The following PXDN variants were observed in gnomAD, a reference collection of about 807,000 sequenced individuals.
PXDN encodes the protein peroxidasin homolog.
A neutral mutation model predicts 140.3 loss-of-function variants in PXDN; 77 were observed. The observed-to-expected ratio is 0.55, with a 90% confidence interval of 0.46 to 0.66. The LOEUF is 0.66. PXDN is among the 30% of genes least tolerant of loss of function. The pLI, the probability that PXDN is intolerant of heterozygous loss-of-function variation, is 0.00. For missense variants in PXDN, 1,838 were observed against 2,039.5 expected (o/e 0.90, Z 1.90); for synonymous variants, 911 against 857.4 (o/e 1.06, Z -1.09).
rs1682949858 is a variant in PXDN, at chr2:1,649,234, T to A, written c.2546A>T (p.Asn849Ile). The A allele has an allele frequency of 1.2e-6, 2 of 1,612,890 alleles. No individual in the cohort carries two copies. The part of the protein sequence containing the change: ...ARFSDGQHCS[N>I]VCSNDPPCFS... ...GCAGGGGGGGTCGTTGCTGCACACG[T>A]TGCTGCAGTGCTGTCCGTCGGAGAA... The change falls in exon 17 of 23, where the codon AAC becomes ATC. Residue 849 changes from asparagine (N) to isoleucine (I), a missense_variant. By Grantham distance (149) the Asn-to-Ile change is moderately radical. This residue lies in a region of PXDN where 850 missense variants were observed against 894.1 expected (regional missense o/e 0.95). Coordinates refer to ENST00000252804, the MANE Select transcript of PXDN (RefSeq NM_012293.3). This position sits in a 1 kb window ranked among gnomAD's most constrained non-coding sequence, Gnocchi z 7.1.
chr2:1,698,154 G>A (rs572029232), intron 1 of PXDN, among the ~76,000 whole-genome samples: 8 of 152,100 alleles, frequency 5.3e-5, no homozygotes, highest in South Asian at 2.1e-4. Flanking sequence ...AGTAAGCAGC[G>A]GTGAACAAGG....
intron 1 of PXDN, among the ~76,000 whole-genome samples, chr2:1,726,504 C>T (rs1685188649): frequency 6.6e-6 from 1 of 151,612 alleles, no homozygotes; most frequent in Non-Finnish European, 1.5e-5. Flanking sequence ...GGGTGCAGCA[C>T]ACCAGCATGG....
chr2:1,719,834 T>TTGTG (rs36227356), intron 1 of PXDN, among the ~76,000 whole-genome samples: 5,701 of 107,864 alleles, frequency 0.053, 496 homozygotes, highest in African/African-American at 0.17. Context: ...CATGCGTGCA[T>TTGTG]TGTGTGTGTG....
intron 9 of PXDN, among the ~76,000 whole-genome samples, chr2:1,667,113 A>G (rs138110739): frequency 1.0e-3 from 156 of 152,262 alleles, no homozygotes; most frequent in Non-Finnish European, 1.7e-3. Context: ...TTGCCCAGAA[A>G]TGACCCTGCC....
chr2:1,744,230 C>T lies in PXDN; in HGVS notation c.200+26G>A, dbSNP rs1207980684. The T allele has an allele frequency of 4.8e-6, 7 of 1,467,824 alleles. 1 individual carries two copies. The East Asian group carries it at 1.4e-4, about 30-fold the overall frequency. 90.9% of individuals were successfully genotyped at this position (1,467,824 alleles called of 1,614,324 possible). ...TCTCCACGAAGCCCCGGACCCCGCG[C>T]CCCCGGCGTCCCCCGCGGCACTCAC... On this transcript the variant is annotated intron_variant, in intron 1 of 22. Transcript: ENST00000252804.
At chr2:1,653,073 G>A (rs1043897478) in intron 16 of PXDN, 11 of 203,906 alleles carry the variant, frequency 5.4e-5, no homozygotes, top group East Asian at 1.1e-4. Flanking sequence ...AAGGACAATC[G>A]TGACATGTAA....
chr2:1,688,424 G>A (rs1031700088), intron 3 of PXDN, among the ~76,000 whole-genome samples: 2 of 152,230 alleles, frequency 1.3e-5, no homozygotes, highest in Non-Finnish European at 2.9e-5. Flanking sequence ...AGCTCACAGA[G>A]GACTGGTCCT....
rs73910805 is a variant in PXDN at position 1,633,698 on chromosome 2, T to A, written c.*506A>T. 0.012 allele frequency: 1,808 copies of A among 151,836 alleles called. 34 individuals carry two copies. The highest frequency in any genetic ancestry group is 0.041 in the African/African-American group (1,706 of 41,284). 9.4% of individuals were successfully genotyped at this position (151,836 alleles called of 1,614,324 possible). On this transcript the variant is annotated 3_prime_UTR_variant, in exon 23 of 23. Coordinates refer to ENST00000252804, the MANE Select transcript of PXDN (RefSeq NM_012293.3). ...TCTGTTCCGTTTGCCAAACACCAATTTTCTTTTTAAACATAGCTTGTGATG... is the reference window on the plus strand; with the variant it reads ...TCTGTTCCGTTTGCCAAACACCAATATTCTTTTTAAACATAGCTTGTGATG...
rs752167960 is a variant in PXDN at position 1,644,769 on chromosome 2, A to T, written c.3609-17T>A. ...CCATACAACCTAAAAAATAAAGAGA[A>T]AACTGAAATCTACCTAACAAAGCTG... On this transcript the variant is annotated splice_polypyrimidine_tract_variant and intron_variant, in intron 17 of 22. Coordinates refer to ENST00000252804, the MANE Select transcript of PXDN (RefSeq NM_012293.3). The T allele has an allele frequency of 6.7e-7, 1 of 1,491,836 alleles. No individual in the cohort carries two copies. Among genetic ancestry groups the T allele is most frequent in the Non-Finnish European group, 9.0e-7 (1 of 1,111,674 alleles). 92.4% of individuals were successfully genotyped at this position (1,491,836 alleles called of 1,614,324 possible). A position where few individuals can be genotyped will look rare whatever the true frequency, so the allele number is the denominator to read the frequency against.
intron 1 of PXDN, among the ~76,000 whole-genome samples, chr2:1,704,368 G>A (rs1188682514): frequency 1.7e-5 from 1 of 58,962 alleles, no homozygotes; most frequent in Admixed American, 1.7e-4. Flanking sequence ...TCCAGGTGAA[G>A]GGGGGGCAAC....
chr2:1,719,834 TTGTG>T (rs36227356), intron 1 of PXDN, among the ~76,000 whole-genome samples: 17,476 of 107,662 alleles, frequency 0.16, 1,599 homozygotes, highest in South Asian at 0.24. Flanking sequence ...CATGCGTGCA[TTGTG>T]TGTGTGTGTG....
At chr2:1,702,651 CAG>C (rs1162395766) in intron 1 of PXDN, among the ~76,000 whole-genome samples, 6 of 152,076 alleles carry the variant, frequency 3.9e-5, no homozygotes, top group African/African-American at 7.2e-5. Flanking sequence ...TGTTTTGAGA[CAG>C]AGTCTCGCTC....
In PXDN at chr2:1,663,625, T is replaced by C. The variant is rs2125425390; in HGVS notation, c.1547A>G (p.His516Arg). The C allele has an allele frequency of 3.7e-6, 6 of 1,614,016 alleles. No homozygotes were observed. The highest frequency in any genetic ancestry group is 2.2e-5 in the East Asian group (1 of 44,888). ...CCTACCTCTGGGCTGCACAGTCAGG[T>C]GGGCCACGACCTTCTGGGAGCCGAT... ...NIIGSQKVVA[H>R]LTVQPRVTPV... Residue 516 changes from histidine (H) to arginine (R), a missense_variant, in exon 12 of 23, where the codon CAC (histidine) becomes CGC (arginine). Physicochemically the swap from His to Arg is conservative, Grantham distance 29. Coordinates refer to ENST00000252804, the MANE Select transcript of PXDN (RefSeq NM_012293.3).
chr2:1,665,103 A>G (rs1401431757), intron 10 of PXDN, 29 bp from the exon 11 acceptor site: 4 of 1,519,260 alleles, frequency 2.6e-6, no homozygotes, highest in Non-Finnish European at 3.6e-6. Flanking sequence ...TCAAAACAGG[A>G]CATGTAAAAA....
At chr2:1,725,681 G>A (rs1339355467) in intron 1 of PXDN, among the ~76,000 whole-genome samples, 1 of 152,132 alleles carries the variant, frequency 6.6e-6, no homozygotes, top group Non-Finnish European at 1.5e-5. Context: ...CTACTCTTCT[G>A]ACAAAGGGCT....
intron 9 of PXDN, chr2:1,672,259 C>T (rs944270183): frequency 6.6e-6 from 1 of 152,166 alleles, no homozygotes; most frequent in Non-Finnish European, 1.5e-5. Context: ...CAATTCAGAT[C>T]AAAAGGAGTG....
rs1160526226 is a variant in PXDN, at chr2:1,643,302, C to T, written c.3952+66G>A. ...AGGATGACATCTGCAGGTCATTAAG[C>T]ACCCGCCAAGCAGTCACCAAAACCA... is the stretch of plus-strand genomic sequence containing the variant. On this transcript the variant is annotated intron_variant, in intron 19 of 22. Transcript: ENST00000252804. 6 of 1,483,064 alleles carry T rather than the reference C, an allele frequency of 4.0e-6. No individual in the cohort carries two copies. The African/African-American group carries it at 6.9e-5, about 17-fold the overall frequency. 91.9% of individuals were successfully genotyped at this position (1,483,064 alleles called of 1,614,324 possible).
rs1026648696 is a variant in PXDN, at chr2:1,713,621, G to A, written c.201-20487C>T. Among the ~76,000 whole-genome samples the A allele has an allele frequency of 2.0e-5, 3 of 152,212 alleles. No individual in the cohort carries two copies. The East Asian group carries it at 5.8e-4, about 29-fold the overall frequency. On this transcript the variant is annotated intron_variant, in intron 1 of 22. Coordinates refer to ENST00000252804, the MANE Select transcript of PXDN (RefSeq NM_012293.3). Reference sequence around the variant, plus strand: ...AGCCCAGGGTGGCCGCATAGGGGCTGTACCTCCAAATGGACCCCGGGTGGG... The same window carrying A: ...AGCCCAGGGTGGCCGCATAGGGGCTATACCTCCAAATGGACCCCGGGTGGG...
intron 1 of PXDN, among the ~76,000 whole-genome samples, chr2:1,731,905 C>T (rs1217401280): frequency 6.6e-6 from 1 of 152,102 alleles, no homozygotes; most frequent in South Asian, 2.1e-4. Context: ...ATGGAGAACA[C>T]CAGGATTGAG....
Sources: allele counts gnomAD v4.1 joint callset (sites outside exome capture counted in the v4.1 genomes callset), GRCh38; gene constraint gnomAD v4.1.1; regional missense constraint gnomAD v4.1.1; non-coding constraint Gnocchi (gnomAD v3.1); transcripts MANE v1.5; gene names NCBI Gene and HGNC (gene_info 2026-07-23, HGNC 2026-07-21).